The following RANBP3 variants were observed in gnomAD, a reference collection of about 807,000 sequenced individuals.
RANBP3 encodes ran-binding protein 3.
RANBP3 carries 14 observed loss-of-function variants against 77.3 expected under a neutral mutation model. The observed-to-expected ratio is 0.18, with a 90% CI of 0.12 to 0.28. RANBP3 has a LOEUF of 0.28. Ranked by LOEUF, RANBP3 falls within the 10% of genes least tolerant of loss-of-function variation. RANBP3 has a pLI of 1.00. For missense variants in RANBP3, 586 were observed against 752.3 expected, an observed-to-expected ratio of 0.78 and a Z score of 2.59; for synonymous variants, 315 against 312.4, an observed-to-expected ratio of 1.01 and a Z score of -0.09.
At chr19:5,918,287 C>T (rs956783739) in intron 15 of RANBP3, 3 of 663,324 alleles carry the variant, frequency 4.5e-6, no homozygotes, top group African/African-American at 3.6e-5. Flanking sequence ...ACCCCAGCGG[C>T]TTCTCTGGGT....
chr19:5,950,103 A>C (rs2058256608), intron 3 of RANBP3, among the ~76,000 whole-genome samples: 1 of 152,088 alleles, frequency 6.6e-6, no homozygotes, highest in Non-Finnish European at 1.5e-5. Flanking sequence ...GCAGTAACTC[A>C]CCATACCTGA....
chr19:5,940,180 G>A (rs1334067377), intron 5 of RANBP3, among the ~76,000 whole-genome samples: 2 of 152,198 alleles, frequency 1.3e-5, no homozygotes, highest in Non-Finnish European at 2.9e-5. Context: ...CTGGACGGGA[G>A]GTGATTTGAA....
rs1291787597 is a variant in RANBP3 at position 5,921,339 on chromosome 19, C to G, written c.1210-18G>C. On this transcript the variant is annotated intron_variant, in intron 13 of 16. Coordinates refer to ENST00000340578, the MANE Select transcript of RANBP3 (RefSeq NM_007322.3). The surrounding 1 kb of genome is among the most constrained non-coding windows in gnomAD (Gnocchi z 5.3). Reference sequence around the variant, plus strand: ...CACTGCATCTGGAACACAGTGGCCGCCGGTAAGCAGGGACCCCAGCTGGTG... The same window carrying G: ...CACTGCATCTGGAACACAGTGGCCGGCGGTAAGCAGGGACCCCAGCTGGTG... 2.0e-5 allele frequency: 32 copies of G among 1,612,560 alleles called. No homozygotes were observed. The highest frequency in any genetic ancestry group is 2.7e-5 in the Non-Finnish European group (32 of 1,179,344).
chr19:5,917,577 C>T lies in RANBP3; in HGVS notation c.*33G>A. 5 of 1,556,336 alleles carry T rather than the reference C, an allele frequency of 3.2e-6. No individual in the cohort carries two copies. The highest frequency in any genetic ancestry group is 2.7e-5 in the African/African-American group (2 of 73,978). ...TGGGCGGGTGGATAGACGGACAAAG[C>T]AGCAGCCTGGTGTGCAGCCGGGCTC... On this transcript the variant is annotated 3_prime_UTR_variant, in exon 17 of 17. Transcript: ENST00000340578.
Position 5,917,787 on chromosome 19 carries a change from G to C in RANBP3, c.1660+7C>G, listed in dbSNP as rs763303429. 6.9e-6 allele frequency: 11 copies of C among 1,604,676 alleles called. No individual in the cohort carries two copies. Among genetic ancestry groups the C allele is most frequent in the African/African-American group, 1.3e-5 (1 of 74,834 alleles). On this transcript the variant is annotated splice_region_variant and intron_variant, in intron 16 of 16. Transcript: ENST00000340578. ...ATCCCCCCCAGGGTAGGGACCACCC[G>C]ACTCACCAGCTGCGGTGGCCCCTGA...
chr19:5,929,394 C>T (rs949162171), intron 8 of RANBP3, among the ~76,000 whole-genome samples: 7 of 152,252 alleles, frequency 4.6e-5, no homozygotes, highest in Admixed American at 3.9e-4. Flanking sequence ...CTGTGTGCCC[C>T]CTGCTCACAC....
chr19:5,919,057 G>GT (rs1160311881), intron 14 of RANBP3, among the ~76,000 whole-genome samples: 18 of 152,086 alleles, frequency 1.2e-4, no homozygotes, highest in African/African-American at 3.9e-4. Context: ...TGCGCTTTCT[G>GT]TGTGTGTGAG....
At chr19:5,962,523 G>A (rs1453362410) in intron 1 of RANBP3, among the ~76,000 whole-genome samples, 4 of 152,134 alleles carry the variant, frequency 2.6e-5, no homozygotes, top group Admixed American at 1.3e-4. Context: ...GTCACACGCC[G>A]CAAGGACAAG....
rs1261436022 is a variant in RANBP3, at chr19:5,927,976, T to C, written c.805A>G (p.Arg269Gly). 1.2e-6 allele frequency: 2 copies of C among 1,611,754 alleles called. No individual in the cohort carries two copies. Among genetic ancestry groups the C allele is most frequent in the Non-Finnish European group, 1.7e-6 (2 of 1,179,178 alleles). ...TTCAACAGCTCACATACCTTAACTC[T>C]GTCCCTCAAGTTCTGCCCAAATACA... ...AFVFGQNLRDRVKLINESVDE... is the reference protein window; with the variant it reads ...AFVFGQNLRDGVKLINESVDE... Residue 269 changes from arginine (R) to glycine (G), a missense_variant, in exon 9 of 17, where the codon AGA (arginine) becomes GGA (glycine). Physicochemically the swap from Arg to Gly is moderately radical, Grantham distance 125 (BLOSUM62 -2). Around this residue, in one of 5 missense-constraint regions of RANBP3, gnomAD observed 232 missense variants for 271.7 expected, o/e 0.85. Transcript: ENST00000340578.
chr19:5,964,868 A>G (rs1568479475), intron 1 of RANBP3, among the ~76,000 whole-genome samples: 6 of 35,494 alleles, frequency 1.7e-4, no homozygotes, highest in Admixed American at 9.0e-4. Flanking sequence ...GGGGGGTGGC[A>G]CGGTGGGGGG....
intron 10 of RANBP3, chr19:5,925,350 CAG>C (rs1206893305): frequency 1.8e-5 from 10 of 541,322 alleles, no homozygotes; most frequent in Non-Finnish European, 3.0e-5. Flanking sequence ...GTCCACAAGA[CAG>C]AGGGCACACT....
chr19:5,942,894 G>T (rs2058157425), intron 3 of RANBP3, among the ~76,000 whole-genome samples: 1 of 151,932 alleles, frequency 6.6e-6, no homozygotes, highest in Non-Finnish European at 1.5e-5. Context: ...TGGGCAGGGG[G>T]GTGAATGCCT....
rs1193357261 is a variant in RANBP3 at position 5,933,443 on chromosome 19, G to A, written c.443C>T (p.Thr148Met). The change falls in exon 6 of 17, where the codon ACG becomes ATG. Residue 148 changes from threonine (T) to methionine (M), a missense_variant. Transcript: ENST00000340578. ...RSSGFRLKPP[T>M]LIHGQAPSAG... ...GCTGGGGGCTTGGCCGTGGATCAGC[G>A]TTGGTGGCTTCAACCGGAAGCCACT... is the stretch of plus-strand genomic sequence containing the variant. 4 of 1,613,408 alleles carry A rather than the reference G, an allele frequency of 2.5e-6. No homozygotes were observed. Among genetic ancestry groups the A allele is most frequent in the South Asian group, 1.1e-5 (1 of 91,020 alleles).
intron 5 of RANBP3, among the ~76,000 whole-genome samples, chr19:5,938,469 C>T (rs1402889519): frequency 5.3e-5 from 8 of 152,104 alleles, no homozygotes; most frequent in Non-Finnish European, 1.2e-4. Flanking sequence ...GCGGGAAGCT[C>T]GCTTGAGGTC....
intron 1 of RANBP3, among the ~76,000 whole-genome samples, chr19:5,961,468 C>T (rs567398454): frequency 1.3e-5 from 2 of 151,948 alleles, no homozygotes; most frequent in East Asian, 1.9e-4. Flanking sequence ...CACAGTGGCT[C>T]ATGCCTGTAA....
At chr19:5,967,590 T>C (rs1165915284) in intron 1 of RANBP3, among the ~76,000 whole-genome samples, 1 of 152,210 alleles carries the variant, frequency 6.6e-6, no homozygotes, top group Non-Finnish European at 1.5e-5. Context: ...TCTTTATTTC[T>C]ACCTTTATCA....
At chr19:5,940,557 A>G (rs1289071702) in intron 5 of RANBP3, among the ~76,000 whole-genome samples, 1 of 152,180 alleles carries the variant, frequency 6.6e-6, no homozygotes, top group Non-Finnish European at 1.5e-5. Context: ...GCATGAAAAC[A>G]AGGGTGTGGA....
chr19:5,957,355 T>G (rs1248955856), intron 2 of RANBP3, among the ~76,000 whole-genome samples: 4 of 152,108 alleles, frequency 2.6e-5, no homozygotes. Context: ...CCAACCACAC[T>G]GCGACCCAGA....
intron 1 of RANBP3, among the ~76,000 whole-genome samples, chr19:5,960,508 T>C (rs1040814959): frequency 1.2e-4 from 19 of 152,284 alleles, no homozygotes; most frequent in Admixed American, 1.2e-3. Flanking sequence ...CTCCATAAGA[T>C]CCGAGACTGC....
Sources: gnomAD v4.1 joint callset for allele counts (sites outside exome capture counted in the v4.1 genomes callset) on GRCh38, gnomAD v4.1.1 for gene constraint, gnomAD v4.1.1 regional missense constraint, Gnocchi (gnomAD v3.1) non-coding constraint, MANE v1.5 for transcripts, NCBI Gene and HGNC (gene_info 2026-07-23, HGNC 2026-07-21) for gene names.